ADGRB3: variants seen among roughly 807,000 people sequenced by gnomAD.
ADGRB3 encodes the protein brain-specific angiogenesis inhibitor 3.
Under a neutral mutation model 193.4 loss-of-function variants are expected in ADGRB3, and 37 were observed. The observed-to-expected ratio is 0.19, with a 90% CI of 0.15 to 0.25. The LOEUF is 0.25. Among genes scored for constraint, ADGRB3 ranks in the 10% least tolerant of loss-of-function variants. ADGRB3 has a pLI of 1.00. For synonymous variants in ADGRB3, 690 were observed against 644.2 expected, an observed-to-expected ratio of 1.07 and a Z score of -1.08; for missense variants, 1,637 against 1,852.9, an observed-to-expected ratio of 0.88 and a Z score of 2.14.
chr6:68,914,317 G>A (rs1370848919), intron 3 of ADGRB3, among the ~76,000 whole-genome samples: 1 of 152,086 alleles, frequency 6.6e-6, no homozygotes, highest in African/African-American at 2.4e-5. Flanking sequence ...CCCACAAAGG[G>A]AAGCCCATCA....
chr6:69,359,946 T>C (rs996665290), intron 28 of ADGRB3, among the ~76,000 whole-genome samples: 4 of 151,820 alleles, frequency 2.6e-5, no homozygotes, highest in Non-Finnish European at 5.9e-5. Context: ...TCTGCCCTAT[T>C]ATCCCCAAAA....
At chr6:69,164,005 C>G (rs759851573) in intron 17 of ADGRB3, among the ~76,000 whole-genome samples, 4 of 152,106 alleles carry the variant, frequency 2.6e-5, no homozygotes, top group Non-Finnish European at 4.4e-5. Flanking sequence ...CCCTGCCCCT[C>G]TTAATTAGCA....
intron 17 of ADGRB3, among the ~76,000 whole-genome samples, chr6:69,118,231 T>C (rs1312436521): frequency 2.0e-5 from 3 of 152,168 alleles, no homozygotes; most frequent in Non-Finnish European, 1.5e-5. Context: ...GTAATTCTTC[T>C]TGGAGCCCAG....
chr6:68,764,799 C>A lies in ADGRB3; in HGVS notation c.757+125367C>A, dbSNP rs567465544. The stretch of plus-strand genomic sequence containing the variant: ...TTGATTAACTTAAATCAATTAATAT[C>A]TTGAAATGTTTCAACATGGTGCGTG... On this transcript the variant is annotated intron_variant, in intron 3 of 31. Coordinates refer to ENST00000370598, the MANE Select transcript of ADGRB3 (RefSeq NM_001704.3). 1.4e-4 allele frequency among the ~76,000 whole-genome samples: 21 copies of A among 152,168 alleles called. No homozygotes were observed. The South Asian group carries it at 4.4e-3, about 32-fold the overall frequency.
chr6:69,111,811 C>A (rs994184105), intron 17 of ADGRB3, among the ~76,000 whole-genome samples: 1 of 152,114 alleles, frequency 6.6e-6, no homozygotes, highest in African/African-American at 2.4e-5. Flanking sequence ...TACATGTGAA[C>A]CATCAGCTTA....
chr6:68,649,494 A>C (rs1468556706), intron 3 of ADGRB3, among the ~76,000 whole-genome samples: 1 of 152,156 alleles, frequency 6.6e-6, no homozygotes, highest in African/African-American at 2.4e-5. Context: ...CTACAAATTA[A>C]AGCTTTCATT....
At chr6:68,670,425 AT>A (rs1399287089) in intron 3 of ADGRB3, among the ~76,000 whole-genome samples, 1 of 151,810 alleles carries the variant, frequency 6.6e-6, no homozygotes, top group East Asian at 1.9e-4. Flanking sequence ...TCTTTCATTC[AT>A]TTTGATTTGA....
At chr6:69,316,258 A>G (rs1768308602) in intron 20 of ADGRB3, among the ~76,000 whole-genome samples, 1 of 151,478 alleles carries the variant, frequency 6.6e-6, no homozygotes, top group Non-Finnish European at 1.5e-5. Flanking sequence ...ATACTCTAAG[A>G]AACTCATCAC....
intron 3 of ADGRB3, among the ~76,000 whole-genome samples, chr6:68,746,485 T>C (rs905344494): frequency 6.6e-6 from 1 of 152,118 alleles, no homozygotes; most frequent in African/African-American, 2.4e-5. Flanking sequence ...TTGTTTGAAA[T>C]ACATGATACT....
intron 3 of ADGRB3, among the ~76,000 whole-genome samples, chr6:68,837,604 A>T (rs1459348243): frequency 6.6e-6 from 1 of 152,234 alleles, no homozygotes; most frequent in Non-Finnish European, 1.5e-5. Flanking sequence ...AATAAGATAG[A>T]AAGTGATTTG....
chr6:69,383,026 A>G, intron 31 of ADGRB3, 91 bp downstream of exon 31: 1 of 810,540 alleles, frequency 1.2e-6, no homozygotes, highest in Non-Finnish European at 1.9e-6. Flanking sequence ...GTGGGAACAT[A>G]AGATGAGTCT....
At chr6:69,206,045 GTATATATATATATATATATA>G (rs56741913) in intron 17 of ADGRB3, among the ~76,000 whole-genome samples, 2 of 99,952 alleles carry the variant, frequency 2.0e-5, no homozygotes, top group African/African-American at 7.7e-5. Context: ...TATAATAATG[GTATATATATATATATATATA>G]TATATATATA....
chr6:68,740,142 T>C (rs960840214), intron 3 of ADGRB3, among the ~76,000 whole-genome samples: 14 of 152,338 alleles, frequency 9.2e-5, no homozygotes, highest in Admixed American at 3.9e-4. Flanking sequence ...TGATAATTAA[T>C]AAAGAATTTC....
intron 3 of ADGRB3, among the ~76,000 whole-genome samples, chr6:68,879,503 C>T (rs1765679672): frequency 6.6e-6 from 1 of 152,142 alleles, no homozygotes; most frequent in Non-Finnish European, 1.5e-5. Flanking sequence ...GCTGGGATTA[C>T]AGGCGTGAGC....
chr6:68,791,020 C>T (rs1212182236), intron 3 of ADGRB3, among the ~76,000 whole-genome samples: 1 of 150,196 alleles, frequency 6.7e-6, no homozygotes, highest in Non-Finnish European at 1.5e-5. Context: ...TTGAGACCAT[C>T]CTGGGCAGCA....
chr6:69,100,873 G>GA, intron 17 of ADGRB3, among the ~76,000 whole-genome samples: 1 of 9,496 alleles, frequency 1.1e-4, no homozygotes, highest in African/African-American at 2.6e-4. Context: ...AAGGAAGGAA[G>GA]AAGGAAGGGA....
chr6:68,987,304 G>A lies in ADGRB3; in HGVS notation c.1735-6464G>A, dbSNP rs868815579. ...TGGGTTTTATTCAACCTCCACTTGA[G>A]TAAAACTACCTACAAAATCTTCTAT... On this transcript the variant is annotated intron_variant, in intron 10 of 31. Coordinates refer to ENST00000370598, the MANE Select transcript of ADGRB3 (RefSeq NM_001704.3). 3.9e-5 allele frequency among the ~76,000 whole-genome samples: 6 copies of A among 152,058 alleles called. No individual in the cohort carries two copies. In the South Asian group the frequency reaches 1.2e-3, roughly 32 times the overall value.
intron 3 of ADGRB3, among the ~76,000 whole-genome samples, chr6:68,657,408 C>T (rs1217621457): frequency 6.6e-6 from 1 of 151,356 alleles, no homozygotes; most frequent in African/African-American, 2.4e-5. Flanking sequence ...GTAAATTTTA[C>T]ATCAGTAAAA....
chr6:69,197,274 TTAAC>T (rs1765320848), intron 17 of ADGRB3, among the ~76,000 whole-genome samples: 1 of 152,090 alleles, frequency 6.6e-6, no homozygotes, highest in African/African-American at 2.4e-5. Flanking sequence ...CAAAAATACT[TTAAC>T]TTTTAATTTT....
Sources: allele counts gnomAD v4.1 joint callset (sites outside exome capture counted in the v4.1 genomes callset), GRCh38; gene constraint gnomAD v4.1.1; transcripts MANE v1.5; gene names NCBI Gene and HGNC (gene_info 2026-07-23, HGNC 2026-07-21).